The following JMJD1C variants were observed in gnomAD, a reference collection of about 807,000 sequenced individuals.
JMJD1C encodes jumonji domain containing 1C, also known as jumonji domain-containing protein 1C.
In JMJD1C, 31 loss-of-function variants were observed where a neutral mutation model predicts 245.3. The observed-to-expected ratio is 0.13, with a 90% CI of 0.09 to 0.17. JMJD1C has a LOEUF of 0.17. JMJD1C is among the 10% of genes least tolerant of loss of function. The probability of loss-of-function intolerance (pLI) is 1.00; values close to 1 mark genes in which losing one functional copy is unlikely to be tolerated. For missense variants in JMJD1C, 2,691 were observed against 3,000.2 expected (o/e 0.90, Z 2.41); for synonymous variants, 1,057 against 1,017.4 (o/e 1.04, Z -0.74).
At position 63,214,132 on chromosome 10, in the gene JMJD1C, G is replaced by A. The variant is rs777547565; in HGVS notation, c.2035C>T (p.His679Tyr). Residue 679 changes from histidine to tyrosine, a missense_variant, in exon 8 of 26, where the codon CAT becomes TAT. Around this residue, in one of 9 missense-constraint regions of JMJD1C, gnomAD observed 1,562 missense variants for 1,490.7 expected, o/e 1.05. Coordinates refer to ENST00000399262, the MANE Select transcript of JMJD1C (RefSeq NM_032776.3). ...GERRLANKIE[H>Y]ELSRCSFHPI... ...TGAAAACTGCATCTTGATAGCTCATGTTCTATCTTATTTGCCAATCTTCTT... is the reference window on the plus strand; with the variant it reads ...TGAAAACTGCATCTTGATAGCTCATATTCTATCTTATTTGCCAATCTTCTT... 1.9e-6 allele frequency: 3 copies of A among 1,614,152 alleles called. No homozygotes were observed. The highest frequency in any genetic ancestry group is 2.5e-6 in the Non-Finnish European group (3 of 1,180,006).
chr10:63,329,125 T>C (rs1194520623), intron 2 of JMJD1C, among the ~76,000 whole-genome samples: 4 of 151,532 alleles, frequency 2.6e-5, no homozygotes, highest in East Asian at 3.9e-4. Flanking sequence ...CTACAAAAAA[T>C]ACAAAAATTA....
At chr10:63,377,921 CAAA>C (rs11364665) in intron 2 of JMJD1C, among the ~76,000 whole-genome samples, 3 of 139,658 alleles carry the variant, frequency 2.1e-5, no homozygotes, top group Admixed American at 7.2e-5. Context: ...AATAGTATGG[CAAA>C]AAAAAAAAAG....
At chr10:63,312,223 TTAGCCTCCCGAG>T (rs1304300191) in intron 2 of JMJD1C, among the ~76,000 whole-genome samples, 1 of 151,630 alleles carries the variant, frequency 6.6e-6, no homozygotes, top group African/African-American at 2.4e-5. Flanking sequence ...TTCTCCTACC[TTAGCCTCCCGAG>T]TAGCTGGGAT....
Position 63,208,323 on chromosome 10 carries a change from T to G in JMJD1C, c.3346A>C (p.Asn1116His), listed in dbSNP as rs780738874. ...TTACTCTGTTTATCACCGTAAATAT[T>G]TGAAACTTCTTTGGATGGGTATGAT... ...PRSYPSKEVS[N>H]IYGDKQSNAL... The change falls in exon 10 of 26, where the codon AAT becomes CAT. Residue 1116 changes from asparagine (N) to histidine (H), a missense_variant. Asn to His is a moderately conservative substitution (Grantham distance 68, BLOSUM62 1). Transcript: ENST00000399262. The G allele has an allele frequency of 1.3e-5, 21 of 1,614,154 alleles. No homozygotes were observed. Among genetic ancestry groups the G allele is most frequent in the Non-Finnish European group, 1.7e-5 (20 of 1,180,010 alleles).
At chr10:63,203,565 T>C (rs1320688529) in intron 10 of JMJD1C, 12 of 957,650 alleles carry the variant, frequency 1.3e-5, no homozygotes, top group African/African-American at 5.3e-5. Flanking sequence ...TATTTGAATA[T>C]AGTGGCAATT....
intron 1 of JMJD1C, among the ~76,000 whole-genome samples, chr10:63,456,800 G>A (rs1952444596): frequency 6.6e-6 from 1 of 152,036 alleles, no homozygotes; most frequent in Admixed American, 6.6e-5. Context: ...AAATAATGAA[G>A]AAGCCAAATT....
intron 1 of JMJD1C, among the ~76,000 whole-genome samples, chr10:63,400,774 A>C (rs1055904464): frequency 2.6e-5 from 4 of 151,538 alleles, no homozygotes; most frequent in Non-Finnish European, 4.4e-5. Flanking sequence ...GTTTTTCACC[A>C]TGTTGGCCAG....
chr10:63,264,831 C>T, intron 2 of JMJD1C, 67 bp from the exon 3 acceptor site: 1 of 721,720 alleles, frequency 1.4e-6, no homozygotes, highest in Non-Finnish European at 2.4e-6. Context: ...TGAAGGAACA[C>T]ACACCAATAC....
chr10:63,427,433 C>A, intron 1 of JMJD1C: 1 of 1,140,520 alleles, frequency 8.8e-7, no homozygotes, highest in South Asian at 1.3e-5. Flanking sequence ...GAGGTGACTG[C>A]TGACCAGAAA....
rs1316128761 is a variant in JMJD1C at position 63,465,510 on chromosome 10, G to C, written c.153C>G (p.Arg51=). 1.9e-6 allele frequency: 3 copies of C among 1,604,450 alleles called. No homozygotes were observed. The highest frequency in any genetic ancestry group is 2.7e-5 in the African/African-American group (2 of 74,836). The change falls in exon 1 of 26, where the codon CGC becomes CGG. Residue 51 remains arginine, a synonymous_variant. Transcript: ENST00000399262. ...ACTCTCTTACCGCCAGGTCCGGATT[G>C]CGGCTGTCCCTGTGTGACACGGCTC... ...VIRAVSHRDS[R]NPDLAVYVEF...
At chr10:63,467,720 G>A (rs1953356140), upstream of JMJD1C, among the ~76,000 whole-genome samples, 1 of 152,062 alleles carries the variant, frequency 6.6e-6, no homozygotes, top group Non-Finnish European at 1.5e-5. Context: ...TAAGGAACCA[G>A]TAAAGTGACT....
At chr10:63,191,805 T>G (rs1844840290) in intron 16 of JMJD1C, among the ~76,000 whole-genome samples, 1 of 151,628 alleles carries the variant, frequency 6.6e-6, no homozygotes, top group Non-Finnish European at 1.5e-5. Flanking sequence ...GCCAACATGC[T>G]GAAACCCTGT....
At chr10:63,413,649 G>A (rs889077426) in intron 1 of JMJD1C, among the ~76,000 whole-genome samples, 2 of 152,120 alleles carry the variant, frequency 1.3e-5, no homozygotes, top group Non-Finnish European at 2.9e-5. Flanking sequence ...CAAGCGATAA[G>A]ATAATGAAAA....
Position 63,423,312 on chromosome 10 carries a change from A to G in JMJD1C, c.168+42183T>C, listed in dbSNP as rs184918872. On this transcript the variant is annotated intron_variant, in intron 1 of 25. Coordinates refer to ENST00000399262, the MANE Select transcript of JMJD1C (RefSeq NM_032776.3). Reference sequence around the variant, plus strand: ...ATAGGAACTCTGCATCCATTAAGCAATAACTCCTCATTCTCATCTCCCCCC... The same window carrying G: ...ATAGGAACTCTGCATCCATTAAGCAGTAACTCCTCATTCTCATCTCCCCCC... 1.2e-4 allele frequency among the ~76,000 whole-genome samples: 18 copies of G among 152,186 alleles called. No homozygotes were observed. The East Asian group carries it at 1.9e-3, about 16-fold the overall frequency.
chr10:63,405,188 G>C (rs551534786), intron 1 of JMJD1C, among the ~76,000 whole-genome samples: 4 of 152,116 alleles, frequency 2.6e-5, no homozygotes, highest in African/African-American at 7.2e-5. Flanking sequence ...ATCCTATAAA[G>C]TAGGTATTAA....
intron 1 of JMJD1C, among the ~76,000 whole-genome samples, chr10:63,407,194 T>C (rs1329876164): frequency 6.6e-6 from 1 of 152,182 alleles, no homozygotes; most frequent in Non-Finnish European, 1.5e-5. Context: ...GCCTAGCAAC[T>C]GTCTCCTTTC....
At chr10:63,460,398 T>C (rs1443026188) in intron 1 of JMJD1C, among the ~76,000 whole-genome samples, 1 of 152,116 alleles carries the variant, frequency 6.6e-6, no homozygotes, top group Admixed American at 6.5e-5. Context: ...CACATGCCTG[T>C]AGTCCCAGCT....
chr10:63,411,601 A>AT (rs35643037), intron 1 of JMJD1C, among the ~76,000 whole-genome samples: 44,007 of 120,070 alleles, frequency 0.37, 9,036 homozygotes, highest in Middle Eastern at 0.48. Context: ...ACTCGGCCTG[A>AT]TTTTTTTTTT....
At chr10:63,411,035 T>C (rs1949442194) in intron 1 of JMJD1C, among the ~76,000 whole-genome samples, 1 of 152,230 alleles carries the variant, frequency 6.6e-6, no homozygotes, top group Admixed American at 6.5e-5. Context: ...TTCTGTTGTT[T>C]CCATCCACCA....
Sources: gnomAD v4.1 joint callset for allele counts (sites outside exome capture counted in the v4.1 genomes callset) on GRCh38, gnomAD v4.1.1 for gene constraint, gnomAD v4.1.1 regional missense constraint, MANE v1.5 for transcripts, NCBI Gene and HGNC (gene_info 2026-07-23, HGNC 2026-07-21) for gene names.